PDGFD: variants seen among roughly 807,000 people sequenced by gnomAD.
PDGFD encodes platelet derived growth factor D.
A neutral mutation model predicts 44.7 loss-of-function variants in PDGFD; 30 were observed. The ratio of observed to expected loss-of-function variants is 0.67; its 90% CI spans 0.50 to 0.91. The LOEUF (loss-of-function observed/expected upper bound fraction) is 0.91, where lower values mean the gene tolerates loss of function less well. PDGFD is among the 40% of genes least tolerant of loss of function. The probability of loss-of-function intolerance (pLI) is 0.00; values close to 1 mark genes in which losing one functional copy is unlikely to be tolerated. For missense variants in PDGFD, 445 were observed against 457.8 expected, an observed-to-expected ratio of 0.97 and a Z score of 0.25; for synonymous variants, 173 against 168.4, an observed-to-expected ratio of 1.03 and a Z score of -0.21.
chr11:104,110,401 A>C (rs1001751195), intron 1 of PDGFD, among the ~76,000 whole-genome samples: 9 of 71,374 alleles, frequency 1.3e-4, no homozygotes, highest in Non-Finnish European at 2.7e-4. Context: ...AGTAGTAGTT[A>C]TCTCAGACCT....
At chr11:104,063,510 A>G (rs1391833516) in intron 1 of PDGFD, among the ~76,000 whole-genome samples, 1 of 152,144 alleles carries the variant, frequency 6.6e-6, no homozygotes, top group African/African-American at 2.4e-5. Flanking sequence ...ATGTTACCTG[A>G]AAGCAGTAGG....
At chr11:103,990,908 G>A (rs528596464) in intron 3 of PDGFD, among the ~76,000 whole-genome samples, 1 of 152,226 alleles carries the variant, frequency 6.6e-6, no homozygotes, top group South Asian at 2.1e-4. Flanking sequence ...GGGAGGCTGA[G>A]GCGGGCGGAT....
At chr11:103,975,048 C>A (rs1159989947) in intron 3 of PDGFD, among the ~76,000 whole-genome samples, 1 of 152,098 alleles carries the variant, frequency 6.6e-6, no homozygotes, top group Non-Finnish European at 1.5e-5. Flanking sequence ...ATTTCTGGTT[C>A]TAGACCCTTG....
chr11:104,070,718 T>C (rs1860860778), intron 1 of PDGFD, among the ~76,000 whole-genome samples: 1 of 152,192 alleles, frequency 6.6e-6, no homozygotes, highest in South Asian at 2.1e-4. Flanking sequence ...GTTCATAGGC[T>C]TTATCCTTAT....
chr11:103,996,294 G>A, intron 2 of PDGFD, 49 bp from the exon 3 acceptor site: 1 of 1,460,588 alleles, frequency 6.8e-7, no homozygotes. Flanking sequence ...AGTAGATTTT[G>A]AAATTCATAC....
intron 1 of PDGFD, among the ~76,000 whole-genome samples, chr11:104,066,765 T>C (rs1312481963): frequency 1.3e-5 from 2 of 152,168 alleles, no homozygotes; most frequent in Non-Finnish European, 2.9e-5. Flanking sequence ...GCATCACTGA[T>C]TGATCCCAGC....
intron 1 of PDGFD, among the ~76,000 whole-genome samples, chr11:104,077,642 G>A (rs1860979025): frequency 6.6e-6 from 1 of 152,054 alleles, no homozygotes; most frequent in Non-Finnish European, 1.5e-5. Context: ...GGTATGCAAA[G>A]TTGTGCAAAA....
intron 1 of PDGFD, among the ~76,000 whole-genome samples, chr11:104,080,197 C>T (rs1424926229): frequency 6.6e-6 from 1 of 152,136 alleles, no homozygotes; most frequent in Non-Finnish European, 1.5e-5. Flanking sequence ...GATCTAAAGG[C>T]AGAACTTTCA....
chr11:104,104,894 T>C (rs1305128158), intron 1 of PDGFD, among the ~76,000 whole-genome samples: 2 of 143,520 alleles, frequency 1.4e-5, no homozygotes, highest in African/African-American at 2.5e-5. Context: ...ACTGATACCA[T>C]ATGCAAATTT....
At chr11:103,937,037 G>A (rs994037123) in intron 5 of PDGFD, among the ~76,000 whole-genome samples, 1 of 151,952 alleles carries the variant, frequency 6.6e-6, no homozygotes, top group African/African-American at 2.4e-5. Context: ...TGTTGCCCAG[G>A]CTGGTCTCTC....
intron 1 of PDGFD, among the ~76,000 whole-genome samples, chr11:104,063,330 GGA>G (rs149925266): frequency 2.3e-4 from 34 of 148,326 alleles, no homozygotes; most frequent in African/African-American, 3.5e-4. Context: ...GAGAGAGAGA[GGA>G]GAGAGAGAGA....
At chr11:104,100,992 A>T (rs916366223) in intron 1 of PDGFD, among the ~76,000 whole-genome samples, 4 of 152,204 alleles carry the variant, frequency 2.6e-5, no homozygotes, top group Non-Finnish European at 5.9e-5. Flanking sequence ...CACAGCCAAT[A>T]TCATACTGAA....
chr11:104,066,350 T>C (rs982936294), intron 1 of PDGFD, among the ~76,000 whole-genome samples: 3 of 152,194 alleles, frequency 2.0e-5, no homozygotes, highest in African/African-American at 4.8e-5. Flanking sequence ...TATATATCCG[T>C]AGAGTTCAGA....
At chr11:103,985,340 C>G (rs190536277) in intron 3 of PDGFD, among the ~76,000 whole-genome samples, 1 of 151,030 alleles carries the variant, frequency 6.6e-6, no homozygotes. Context: ...GCTGGGACTA[C>G]AGGCGTGCAC....
chr11:104,060,524 AGATTT>A (rs1360735415), intron 1 of PDGFD, among the ~76,000 whole-genome samples: 1 of 152,218 alleles, frequency 6.6e-6, no homozygotes, highest in African/African-American at 2.4e-5. Flanking sequence ...TTGCTAATTC[AGATTT>A]AATTATAGTG....
rs542428982 is a variant in PDGFD at position 103,957,303 on chromosome 11, A to G, written c.511-9579T>C. ...ATGGCCATACTGCCCAAGGTAATTT[A>G]TAGATTCAATGCCATCCCCATCAAG... On this transcript the variant is annotated intron_variant, in intron 3 of 6. Transcript: ENST00000393158. Among the ~76,000 whole-genome samples, 508 of 152,320 alleles carry G rather than the reference A, an allele frequency of 3.3e-3. 2 individuals are homozygous for G. Among genetic ancestry groups the G allele is most frequent in the African/African-American group, 0.012 (478 of 41,564 alleles).
chr11:103,950,211 G>C (rs182084967), intron 3 of PDGFD, among the ~76,000 whole-genome samples: 2 of 151,898 alleles, frequency 1.3e-5, no homozygotes, highest in Non-Finnish European at 2.9e-5. Context: ...TCTTGGAACT[G>C]GAAATAGTTT....
intron 5 of PDGFD, among the ~76,000 whole-genome samples, chr11:103,941,625 T>TAA (rs78870908): frequency 1.3e-5 from 2 of 149,110 alleles, no homozygotes; most frequent in Non-Finnish European, 3.0e-5. Context: ...GGGTGCCTGC[T>TAA]AAAAAAAAAA....
chr11:104,156,609 C>A (rs1038090214), intron 1 of PDGFD, among the ~76,000 whole-genome samples: 1 of 152,116 alleles, frequency 6.6e-6, no homozygotes, highest in East Asian at 1.9e-4. Flanking sequence ...TGTATAAAAA[C>A]CACTAAACTG....
Sources: gnomAD v4.1 joint callset for allele counts (sites outside exome capture counted in the v4.1 genomes callset) on GRCh38, gnomAD v4.1.1 for gene constraint, MANE v1.5 for transcripts, NCBI Gene and HGNC (gene_info 2026-07-23, HGNC 2026-07-21) for gene names.